Variants in CCDC60 observed in about 807,000 individuals in gnomAD.
CCDC60 encodes the protein coiled-coil domain-containing protein 60.
A neutral mutation model predicts 63.5 loss-of-function variants in CCDC60; 54 were observed. The observed-to-expected ratio is 0.85, with a 90% CI of 0.68 to 1.07. The LOEUF (loss-of-function observed/expected upper bound fraction) is 1.07. Among genes scored for constraint, CCDC60 ranks in the 50% least tolerant of loss-of-function variants. The probability of loss-of-function intolerance (pLI) is 0.00; values close to 1 mark genes in which losing one functional copy is unlikely to be tolerated. For missense variants in CCDC60, 651 were observed against 684.3 expected (o/e 0.95, Z 0.54); for synonymous variants, 206 against 238.8 (o/e 0.86, Z 1.27).
At chr12:119,409,523 A>G (rs1322615043) in intron 1 of CCDC60, among the ~76,000 whole-genome samples, 1 of 152,184 alleles carries the variant, frequency 6.6e-6, no homozygotes, top group African/African-American at 2.4e-5. Flanking sequence ...GCAAGACCTT[A>G]ATGAATGACA....
chr12:119,373,249 T>C (rs1177167583), intron 1 of CCDC60, among the ~76,000 whole-genome samples: 1 of 152,174 alleles, frequency 6.6e-6, no homozygotes, highest in Non-Finnish European at 1.5e-5. Context: ...AGTCATAAAA[T>C]GCCTAGCACA....
chr12:119,459,344 T>C (rs180982526), intron 2 of CCDC60, among the ~76,000 whole-genome samples: 18 of 152,314 alleles, frequency 1.2e-4, no homozygotes, highest in Admixed American at 9.8e-4. Flanking sequence ...TTGCAAAAAT[T>C]ATGACAGTGA....
At position 119,334,973 on chromosome 12, in the gene CCDC60, C is replaced by T; in HGVS notation, c.-204C>T. 2.2e-6 allele frequency: 1 copy of T among 457,652 alleles called. No individual in the cohort carries two copies. The highest frequency in any genetic ancestry group is 3.9e-6 in the Non-Finnish European group (1 of 259,534). 28.3% of individuals were successfully genotyped at this position (457,652 alleles called of 1,614,324 possible). A position where few individuals can be genotyped will look rare whatever the true frequency, so the allele number is the denominator to read the frequency against. Reference sequence around the variant, plus strand: ...CCAGGCTTGCCTGATTCTGCCCTACCCGGACTTCCTTATCCCGTCTGTGGG... The same window carrying T: ...CCAGGCTTGCCTGATTCTGCCCTACTCGGACTTCCTTATCCCGTCTGTGGG... On this transcript the variant is annotated 5_prime_UTR_variant, in exon 1 of 14. Transcript: ENST00000327554.
chr12:119,463,873 G>A (rs1269859972), intron 2 of CCDC60, among the ~76,000 whole-genome samples: 1 of 152,182 alleles, frequency 6.6e-6, no homozygotes, highest in Non-Finnish European at 1.5e-5. Context: ...TAGGACCCTG[G>A]AGTAAAGGAG....
At chr12:119,486,058 G>A (rs78353909) in intron 4 of CCDC60, among the ~76,000 whole-genome samples, 4,533 of 152,146 alleles carry the variant, frequency 0.03, 92 homozygotes, top group South Asian at 0.088. Context: ...CCTCTCCCCC[G>A]GCCTCTCACA....
chr12:119,443,051 G>T (rs1034304352), intron 2 of CCDC60, among the ~76,000 whole-genome samples: 4 of 152,162 alleles, frequency 2.6e-5, no homozygotes, highest in Admixed American at 2.0e-4. Context: ...AAATTTACTG[G>T]CAATGCCCAG....
At chr12:119,394,557 T>A (rs536719447) in intron 1 of CCDC60, among the ~76,000 whole-genome samples, 57 of 152,272 alleles carry the variant, frequency 3.7e-4, no homozygotes, top group African/African-American at 1.3e-3. Flanking sequence ...ACTCCCAGAA[T>A]GAATACCCCC....
chr12:119,408,538 C>A (rs771705754), intron 1 of CCDC60, among the ~76,000 whole-genome samples: 9 of 152,114 alleles, frequency 5.9e-5, no homozygotes, highest in Non-Finnish European at 1.2e-4. Context: ...AAAGTAATAG[C>A]AAGGGCTGGG....
At chr12:119,476,060 C>T (rs1183850827) in intron 3 of CCDC60, among the ~76,000 whole-genome samples, 1 of 151,800 alleles carries the variant, frequency 6.6e-6, no homozygotes, top group African/African-American at 2.4e-5. Context: ...ATCATAAAAG[C>T]GAAAGGAATT....
At chr12:119,520,542 C>A (rs199659538) in intron 9 of CCDC60, among the ~76,000 whole-genome samples, 1 of 126,868 alleles carries the variant, frequency 7.9e-6, no homozygotes, top group Non-Finnish European at 1.6e-5. Context: ...AGAGAATATT[C>A]TTTTTTTTTT....
At chr12:119,386,279 A>G (rs1355231093) in intron 1 of CCDC60, among the ~76,000 whole-genome samples, 1 of 152,146 alleles carries the variant, frequency 6.6e-6, no homozygotes, top group Non-Finnish European at 1.5e-5. Context: ...TATTTCAGAC[A>G]ACAATTAGAC....
At chr12:119,535,667 T>A (rs1952980963) in intron 13 of CCDC60, among the ~76,000 whole-genome samples, 1 of 152,258 alleles carries the variant, frequency 6.6e-6, no homozygotes, top group Admixed American at 6.5e-5. Context: ...TTCATTTCGT[T>A]ATGTACCCAG....
intron 1 of CCDC60, among the ~76,000 whole-genome samples, chr12:119,398,259 G>A (rs12367044): frequency 0.075 from 11,394 of 151,846 alleles, 570 homozygotes; most frequent in Middle Eastern, 0.16. Flanking sequence ...GGGACCCGGC[G>A]CAACCTCTGC....
Position 119,420,958 on chromosome 12 carries a change from T to C in CCDC60, c.91-7725T>C, listed in dbSNP as rs1376849665. On this transcript the variant is annotated intron_variant, in intron 1 of 13. Coordinates refer to ENST00000327554, the MANE Select transcript of CCDC60 (RefSeq NM_178499.5). This position sits in a 1 kb window ranked among gnomAD's most constrained non-coding sequence, Gnocchi z 4.1. Reference sequence around the variant, plus strand: ...ACTCCTGCCATGATCCCGCCTACTCTGTTCTTTACAGCTTCTCCATAATGA... The same window carrying C: ...ACTCCTGCCATGATCCCGCCTACTCCGTTCTTTACAGCTTCTCCATAATGA... 6.6e-6 allele frequency among the ~76,000 whole-genome samples: 1 copy of C among 152,222 alleles called. No homozygotes were observed. The highest frequency in any genetic ancestry group is 1.5e-5 in the Non-Finnish European group (1 of 68,042).
At chr12:119,495,781 AC>A (rs1951703987) in intron 5 of CCDC60, among the ~76,000 whole-genome samples, 2 of 152,068 alleles carry the variant, frequency 1.3e-5, no homozygotes, top group Non-Finnish European at 2.9e-5. Flanking sequence ...AACAGACAAC[AC>A]CCCAGCTCTC....
intron 2 of CCDC60, among the ~76,000 whole-genome samples, chr12:119,471,451 C>T (rs1023665452): frequency 6.6e-6 from 1 of 152,244 alleles, no homozygotes; most frequent in Admixed American, 6.5e-5. Context: ...CTGCTGACCC[C>T]TTCCCATGCA....
chr12:119,514,017 TATC>T (rs2136464536), intron 7 of CCDC60, among the ~76,000 whole-genome samples: 1 of 152,310 alleles, frequency 6.6e-6, no homozygotes, highest in East Asian at 1.9e-4. Flanking sequence ...AAGGCATTGT[TATC>T]ATGGGAGATG....
At chr12:119,382,533 G>C (rs546516720) in intron 1 of CCDC60, among the ~76,000 whole-genome samples, 34 of 152,354 alleles carry the variant, frequency 2.2e-4, no homozygotes, top group African/African-American at 7.7e-4. Flanking sequence ...CCTGAGTCAT[G>C]AGACAGCAGG....
At chr12:119,418,382 C>CTCTCTTTTTTT (rs1565997946) in intron 1 of CCDC60, among the ~76,000 whole-genome samples, 1 of 60,726 alleles carries the variant, frequency 1.6e-5, no homozygotes, top group African/African-American at 5.3e-5. Context: ...CCTTTTCTTT[C>CTCTCTTTTTTT]TTTCTTTTTT....
Sources: allele counts gnomAD v4.1 joint callset (sites outside exome capture counted in the v4.1 genomes callset), GRCh38; gene constraint gnomAD v4.1.1; non-coding constraint Gnocchi (gnomAD v3.1); transcripts MANE v1.5; gene names NCBI Gene and HGNC (gene_info 2026-07-23, HGNC 2026-07-21).